The following ABHD5 variants were observed in gnomAD, a reference collection of about 807,000 sequenced individuals.
ABHD5 encodes abhydrolase domain containing 5, lysophosphatidic acid acyltransferase, also known as 1-acylglycerol-3-phosphate O-acyltransferase ABHD5.
Under a neutral mutation model 44.9 loss-of-function variants are expected in ABHD5, and 30 were observed. The observed-to-expected ratio is 0.67, with a 90% confidence interval of 0.50 to 0.91. The LOEUF is 0.91. Among genes scored for constraint, ABHD5 ranks in the 40% least tolerant of loss-of-function variants. The pLI is 0.00. For synonymous variants in ABHD5, 167 were observed against 147.0 expected (o/e 1.14, Z -0.99); for missense variants, 399 against 423.4 (o/e 0.94, Z 0.50).
chr3:43,697,670 T>C (rs944274242), intron 1 of ABHD5, among the ~76,000 whole-genome samples: 4 of 152,126 alleles, frequency 2.6e-5, no homozygotes, highest in South Asian at 2.1e-4. Flanking sequence ...TTGAGAGATA[T>C]GAAGTACTGG....
upstream of ABHD5, chr3:43,690,900 T>G (rs2084356693): frequency 1.5e-6 from 2 of 1,378,960 alleles, no homozygotes; most frequent in South Asian, 2.9e-5. Context: ...GCTGGCGGCC[T>G]GCGCCGCCTT....
intron 1 of ABHD5, among the ~76,000 whole-genome samples, chr3:43,693,882 C>T (rs1181615214): frequency 6.6e-6 from 1 of 151,466 alleles, no homozygotes; most frequent in East Asian, 1.9e-4. Context: ...ATCTCATTTT[C>T]TTTCTGGAGC....
intron 3 of ABHD5, among the ~76,000 whole-genome samples, chr3:43,710,525 A>G (rs923809839): frequency 6.6e-6 from 1 of 152,160 alleles, no homozygotes; most frequent in Non-Finnish European, 1.5e-5. Flanking sequence ...CTTATCTAAG[A>G]TGATTGCACC....
intron 5 of ABHD5, among the ~76,000 whole-genome samples, chr3:43,717,017 A>G (rs2084771278): frequency 6.6e-6 from 1 of 152,108 alleles, no homozygotes; most frequent in Non-Finnish European, 1.5e-5. Context: ...CTGAAAATAC[A>G]AAAATTAGCT....
intron 4 of ABHD5, among the ~76,000 whole-genome samples, chr3:43,712,151 G>A (rs1480887635): frequency 6.6e-6 from 1 of 152,096 alleles, no homozygotes; most frequent in Non-Finnish European, 1.5e-5. Flanking sequence ...AAAAAGCCAG[G>A]CAAGCAGAGT....
At chr3:43,728,561 G>T (rs990052257) in intron 7 of ABHD5, among the ~76,000 whole-genome samples, 13 of 152,164 alleles carry the variant, frequency 8.5e-5, no homozygotes, top group Admixed American at 4.6e-4. Flanking sequence ...ATAATGAGAT[G>T]ACACCAATCA....
downstream of ABHD5, among the ~76,000 whole-genome samples, chr3:43,727,696 G>C (rs1292513704): frequency 6.6e-6 from 1 of 152,086 alleles, no homozygotes; most frequent in Non-Finnish European, 1.5e-5. Context: ...GCAACCTCCA[G>C]CTCCCGGGTT....
chr3:43,702,536 ACAACCTAGGT>A lies in ABHD5; in HGVS notation c.456_465del (p.His152GlnfsTer10). 6.2e-7 allele frequency: 1 copy of A among 1,614,248 alleles called. No homozygotes were observed. The highest frequency in any genetic ancestry group is 8.5e-7 in the Non-Finnish European group (1 of 1,180,048). ...TTGGACAAAATGATCTTGCTTGGGC[ACAACCTAGGT>A]GGATTCTTGGCTGCTGCTTACTCGC... On this transcript the variant is annotated frameshift_variant, in exon 3 of 7. Coordinates refer to ENST00000644371, the MANE Select transcript of ABHD5 (RefSeq NM_016006.6). LOFTEE classifies it high-confidence loss of function.
intron 1 of ABHD5, among the ~76,000 whole-genome samples, chr3:43,696,500 G>A (rs977944314): frequency 6.6e-6 from 1 of 152,126 alleles, no homozygotes; most frequent in Admixed American, 6.5e-5. Context: ...TGGGGAGGGG[G>A]CAAAGGGTCT....
rs145548259 is a variant in ABHD5 at position 43,702,326 on chromosome 3, A to G, written c.245A>G (p.His82Arg). Residue 82 changes from histidine to arginine, a missense_variant, in exon 3 of 7, where the codon CAT (histidine) becomes CGT (arginine). Coordinates refer to ENST00000644371, the MANE Select transcript of ABHD5 (RefSeq NM_016006.6). ...AATAAGACTCCACTTGTCCTTCTCC[A>G]TGGTTTTGGAGGAGGTCTTGGGCTC... Reference protein sequence around the residue: ...ISNKTPLVLLHGFGGGLGLWA... With the variant: ...ISNKTPLVLLRGFGGGLGLWA... 5.0e-6 allele frequency: 8 copies of G among 1,611,552 alleles called. No homozygotes were observed. The highest frequency in any genetic ancestry group is 5.9e-6 in the Non-Finnish European group (7 of 1,177,860).
chr3:43,717,880 G>A, intron 6 of ABHD5, 23 bp downstream of exon 6: 2 of 1,613,956 alleles, frequency 1.2e-6, no homozygotes, highest in Non-Finnish European at 8.5e-7. Context: ...CTTGATTTGG[G>A]TTTTTAGGTA....
Position 43,719,475 on chromosome 3 carries a change from T to C in ABHD5, c.*943T>C, listed in dbSNP as rs1250961099. ...TTTGTAGATGGGTGCTAAAATTGCATACATTTTAACCACTAAAATAGAAAA... is the reference window on the plus strand; with the variant it reads ...TTTGTAGATGGGTGCTAAAATTGCACACATTTTAACCACTAAAATAGAAAA... On this transcript the variant is annotated 3_prime_UTR_variant, in exon 7 of 7. Transcript: ENST00000644371. 1 of 152,224 alleles carries C rather than the reference T, an allele frequency of 6.6e-6. No homozygotes were observed. The allele number at this position is 152,224 out of a possible 1,614,324, so 9.4% of individuals were successfully genotyped here. A position where few individuals can be genotyped will look rare whatever the true frequency, so the allele number is the denominator to read the frequency against.
intron 1 of ABHD5, among the ~76,000 whole-genome samples, chr3:43,698,527 C>T (rs186435449): frequency 2.1e-4 from 32 of 152,302 alleles, no homozygotes; most frequent in African/African-American, 7.2e-4. Flanking sequence ...GAGGCTTACC[C>T]TCTCTTTTGT....
rs563435148 is a variant in ABHD5, at chr3:43,720,100, T to C, written c.*1568T>C. ...GTCTCACTTGTCAGATTAACTAGGT[T>C]AGTGCAGGAAGCAACATGAGCGCCA... On this transcript the variant is annotated 3_prime_UTR_variant, in exon 7 of 7. Coordinates refer to ENST00000644371, the MANE Select transcript of ABHD5 (RefSeq NM_016006.6). The C allele has an allele frequency of 8.5e-5, 13 of 152,230 alleles. No homozygotes were observed. The highest frequency in any genetic ancestry group is 1.3e-4 in the Non-Finnish European group (9 of 68,034). The allele number at this position is 152,230 out of a possible 1,614,324, so 9.4% of individuals were successfully genotyped here.
At chr3:43,700,235 A>G (rs971536955) in intron 2 of ABHD5, among the ~76,000 whole-genome samples, 5 of 152,162 alleles carry the variant, frequency 3.3e-5, no homozygotes, top group Non-Finnish European at 7.3e-5. Context: ...CTAGGATTCT[A>G]TATTTATAGT....
At chr3:43,697,622 C>T (rs1341838598) in intron 1 of ABHD5, among the ~76,000 whole-genome samples, 1 of 152,006 alleles carries the variant, frequency 6.6e-6, no homozygotes, top group African/African-American at 2.4e-5. Context: ...TTTATAAGAG[C>T]TGTGCAAAGC....
At position 43,718,587 on chromosome 3, in the gene ABHD5, A is replaced by G. The variant is rs1559419528; in HGVS notation, c.*55A>G. ...GTGACTGATATAGTTGTTCAGCAAT[A>G]ATTCATAGTCTGTGATGAAGAGTAG... On this transcript the variant is annotated 3_prime_UTR_variant, in exon 7 of 7. Transcript: ENST00000644371. 2.0e-6 allele frequency: 3 copies of G among 1,522,176 alleles called. No individual in the cohort carries two copies. The highest frequency in any genetic ancestry group is 1.8e-6 in the Non-Finnish European group (2 of 1,096,422). 94.3% of individuals were successfully genotyped at this position (1,522,176 alleles called of 1,614,324 possible). A position where few individuals can be genotyped will look rare whatever the true frequency, so the allele number is the denominator to read the frequency against.
upstream of ABHD5, chr3:43,690,892 T>C (rs1054889012): frequency 2.7e-5 from 36 of 1,321,842 alleles, no homozygotes; most frequent in Non-Finnish European, 3.4e-5. Context: ...ACGCATGCGC[T>C]GGCGGCCTGC....
intron 1 of ABHD5, among the ~76,000 whole-genome samples, chr3:43,698,125 C>G (rs368016530): frequency 3.3e-5 from 5 of 152,334 alleles, no homozygotes; most frequent in African/African-American, 1.2e-4. Context: ...CAAAACTTAG[C>G]ACATTTTCCT....
Sources: allele counts gnomAD v4.1 joint callset (sites outside exome capture counted in the v4.1 genomes callset), GRCh38; gene constraint gnomAD v4.1.1; transcripts MANE v1.5; gene names NCBI Gene and HGNC (gene_info 2026-07-23, HGNC 2026-07-21).